The following SAMHD1 variants were observed in gnomAD, a reference collection of about 807,000 sequenced individuals.
The protein encoded by SAMHD1 is deoxynucleoside triphosphate triphosphohydrolase SAMHD1.
SAMHD1 carries 54 observed loss-of-function variants against 79.6 expected under a neutral mutation model. That is an observed-to-expected ratio of 0.68 (90% CI 0.55 to 0.85). The LOEUF (loss-of-function observed/expected upper bound fraction) is 0.85, where lower values mean the gene tolerates loss of function less well. SAMHD1 is among the 40% of genes least tolerant of loss of function. The pLI is 0.00. For synonymous variants in SAMHD1, 260 were observed against 264.1 expected, an observed-to-expected ratio of 0.98 and a Z score of 0.15; for missense variants, 663 against 782.7, an observed-to-expected ratio of 0.85 and a Z score of 1.82.
chr20:36,915,485 C>G (rs1447794479), intron 9 of SAMHD1, among the ~76,000 whole-genome samples: 1 of 151,822 alleles, frequency 6.6e-6, no homozygotes, highest in Non-Finnish European at 1.5e-5. Flanking sequence ...ACCTATAATG[C>G]CAGCACTTTG....
intron 2 of SAMHD1, among the ~76,000 whole-genome samples, chr20:36,945,173 G>A (rs1489058775): frequency 6.6e-6 from 1 of 152,094 alleles, no homozygotes; most frequent in African/African-American, 2.4e-5. Context: ...GTGTAGGTGG[G>A]ACTACAGGTG....
intron 2 of SAMHD1, 23 bp downstream of exon 2, chr20:36,946,714 GT>G (rs2063688847): frequency 6.3e-7 from 1 of 1,577,748 alleles, no homozygotes; most frequent in Non-Finnish European, 8.7e-7. Flanking sequence ...TGGTTATAAC[GT>G]GAATTTATTT....
At position 36,941,127 on chromosome 20, in the gene SAMHD1, G is replaced by A; in HGVS notation, c.276-16C>T. ...CCCCAAGGAACTAAAATTACAATAG[G>A]ATAAGCAAGTCTATCATTATTTGCT... On this transcript the variant is annotated splice_polypyrimidine_tract_variant and intron_variant, in intron 2 of 15. Transcript: ENST00000646673. 1 of 1,558,644 alleles carries A rather than the reference G, an allele frequency of 6.4e-7. No individual in the cohort carries two copies. Among genetic ancestry groups the A allele is most frequent in the Non-Finnish European group, 8.8e-7 (1 of 1,130,156 alleles).
chr20:36,905,814 T>C (rs1201850433), intron 11 of SAMHD1, among the ~76,000 whole-genome samples: 2 of 151,620 alleles, frequency 1.3e-5, no homozygotes, highest in Non-Finnish European at 2.9e-5. Context: ...CTACTAACAA[T>C]ACAAAAAAAT....
chr20:36,927,281 GA>G, intron 5 of SAMHD1, 29 bp from the exon 6 acceptor site: 1 of 1,139,192 alleles, frequency 8.8e-7, no homozygotes, highest in South Asian at 1.2e-5. Flanking sequence ...CTTAGAACAA[GA>G]AAAACATCTG....
chr20:36,912,885 C>CTTCGTTT (rs2063451836), intron 9 of SAMHD1, among the ~76,000 whole-genome samples: 1 of 8,150 alleles, frequency 1.2e-4, no homozygotes, highest in African/African-American at 4.2e-4. Flanking sequence ...AACTTTCATT[C>CTTCGTTT]TTTGTTTTTT....
intron 12 of SAMHD1, chr20:36,904,812 G>A (rs1223647245): frequency 5.7e-6 from 1 of 175,854 alleles, no homozygotes; most frequent in Non-Finnish European, 1.2e-5. Flanking sequence ...TATAACCCAA[G>A]AAATTATTGA....
chr20:36,900,734 CT>C (rs777039974), intron 13 of SAMHD1, among the ~76,000 whole-genome samples: 444 of 143,152 alleles, frequency 3.1e-3, no homozygotes, highest in Middle Eastern at 7.3e-3. Flanking sequence ...GCCTGGCTCA[CT>C]TTTTTTTTTT....
chr20:36,898,044 T>C, intron 14 of SAMHD1, 85 bp from the exon 15 acceptor site: 2 of 1,534,074 alleles, frequency 1.3e-6, no homozygotes, highest in East Asian at 2.2e-5. Flanking sequence ...AACTATTCCT[T>C]TTTTTTTGAG....
At chr20:36,921,880 G>C (rs940653947) in intron 6 of SAMHD1, among the ~76,000 whole-genome samples, 5 of 152,004 alleles carry the variant, frequency 3.3e-5, no homozygotes, top group African/African-American at 1.2e-4. Flanking sequence ...GTAGAGACAG[G>C]GTTTCGCCAT....
At chr20:36,923,879 G>A (rs1262699750) in intron 6 of SAMHD1, among the ~76,000 whole-genome samples, 7 of 152,142 alleles carry the variant, frequency 4.6e-5, no homozygotes, top group Non-Finnish European at 8.8e-5. Flanking sequence ...GAGTTTATTT[G>A]GGCCAAGGTT....
At chr20:36,928,482 C>G (rs527238705) in intron 5 of SAMHD1, among the ~76,000 whole-genome samples, 282 of 150,786 alleles carry the variant, frequency 1.9e-3, no homozygotes, top group African/African-American at 6.6e-3. Flanking sequence ...GTCAGGAGTT[C>G]AAGACAAGCC....
intron 1 of SAMHD1, 136 bp from the exon 2 acceptor site, chr20:36,946,940 T>C (rs1433512614): frequency 3.4e-6 from 2 of 583,128 alleles, no homozygotes; most frequent in East Asian, 3.0e-5. Context: ...CAAGTACCAC[T>C]TTTTTGATCT....
At chr20:36,912,364 C>T in intron 10 of SAMHD1, 97 bp downstream of exon 10, 1 of 766,002 alleles carries the variant, frequency 1.3e-6, no homozygotes, top group Non-Finnish European at 2.3e-6. Context: ...TTAATATTCA[C>T]TTGAACTCAT....
rs1241476824 is a variant in SAMHD1, at chr20:36,935,177, G to A, written c.361C>T (p.Pro121Ser). The A allele has an allele frequency of 6.2e-7, 1 of 1,612,520 alleles. No homozygotes were observed. Among genetic ancestry groups the A allele is most frequent in the Non-Finnish European group, 8.5e-7 (1 of 1,178,636 alleles). The change falls in exon 4 of 16, where the codon CCT becomes TCT. Residue 121 changes from proline to serine, a missense_variant. Coordinates refer to ENST00000646673, the MANE Select transcript of SAMHD1 (RefSeq NM_015474.4). ...HVDTMKVIND[P>S]IHGHIELHPL... is the part of the protein sequence containing the mutation. ...TGGAGCTCAATGTGGCCATGGATAG[G>A]ATCATTAATTACCTAGAAAATTATG...
intron 7 of SAMHD1, among the ~76,000 whole-genome samples, chr20:36,918,302 C>CA (rs1218849299): frequency 3.3e-5 from 5 of 151,690 alleles, no homozygotes; most frequent in Non-Finnish European, 7.4e-5. Context: ...ACATTCCAAA[C>CA]AAAGTTACTT....
chr20:36,935,183 TAATTACCTAGAA>T lies in SAMHD1; in HGVS notation c.349-6_354del. On this transcript the variant is annotated splice_acceptor_variant and splice_polypyrimidine_tract_variant and coding_sequence_variant and intron_variant, in exon 4 of 16. Coordinates refer to ENST00000646673, the MANE Select transcript of SAMHD1 (RefSeq NM_015474.4). LOFTEE classifies it high-confidence loss of function. ...TCAATGTGGCCATGGATAGGATCAT[TAATTACCTAGAA>T]AATTATGTTTAATTAATACAAATAA... 1 of 1,612,022 alleles carries T rather than the reference TAATTACCTAGAA, an allele frequency of 6.2e-7. No homozygotes were observed. Among genetic ancestry groups the T allele is most frequent in the Non-Finnish European group, 8.5e-7 (1 of 1,178,116 alleles).
chr20:36,914,884 C>T (rs904466923), intron 9 of SAMHD1, among the ~76,000 whole-genome samples: 1 of 149,928 alleles, frequency 6.7e-6, no homozygotes, highest in Non-Finnish European at 1.5e-5. Flanking sequence ...TAGTGGCATG[C>T]GCCTGTGGTC....
At chr20:36,932,454 G>GTT (rs752535431) in intron 4 of SAMHD1, among the ~76,000 whole-genome samples, 50 of 93,296 alleles carry the variant, frequency 5.4e-4, no homozygotes, top group Non-Finnish European at 7.0e-4. Flanking sequence ...ACAGTTTCGT[G>GTT]TTTTTTTTTT....
Sources: gnomAD v4.1 joint callset for allele counts (sites outside exome capture counted in the v4.1 genomes callset) on GRCh38, gnomAD v4.1.1 for gene constraint, MANE v1.5 for transcripts, NCBI Gene and HGNC (gene_info 2026-07-23, HGNC 2026-07-21) for gene names.